Variants in CTNNA3 observed in about 807,000 individuals in gnomAD.
CTNNA3 encodes catenin alpha 3.
In CTNNA3, 76 loss-of-function variants were observed where a neutral mutation model predicts 95.7. The ratio of observed to expected loss-of-function variants is 0.79; its 90% CI spans 0.66 to 0.96. CTNNA3 has a LOEUF of 0.96. Among genes scored for constraint, CTNNA3 ranks in the 40% least tolerant of loss-of-function variants. The probability of loss-of-function intolerance (pLI) is 0.00; values close to 1 mark genes in which losing one functional copy is unlikely to be tolerated. For missense variants in CTNNA3, 1,191 were observed against 1,089.8 expected, an observed-to-expected ratio of 1.09 and a Z score of -1.31; for synonymous variants, 431 against 374.4, an observed-to-expected ratio of 1.15 and a Z score of -1.74.
intron 11 of CTNNA3, among the ~76,000 whole-genome samples, chr10:66,493,472 C>A (rs1309185168): frequency 6.6e-6 from 1 of 152,014 alleles, no homozygotes; most frequent in Non-Finnish European, 1.5e-5. Flanking sequence ...GTTAAGAAAG[C>A]GGTAATTTAA....
chr10:66,450,508 G>A lies in CTNNA3; in HGVS notation c.1531+70109C>T, dbSNP rs145555217. Among the ~76,000 whole-genome samples, 237 of 152,048 alleles carry A rather than the reference G, an allele frequency of 1.6e-3. 1 individual carries two copies. The highest frequency in any genetic ancestry group is 5.5e-3 in the African/African-American group (228 of 41,530). The stretch of plus-strand genomic sequence containing the variant: ...ACATTTCAGCTTTTTCAGAAATAAC[G>A]TTGTATTCATTTCACAGTGAATAAG... On this transcript the variant is annotated intron_variant, in intron 11 of 17. Coordinates refer to ENST00000433211, the MANE Select transcript of CTNNA3 (RefSeq NM_013266.4).
intron 13 of CTNNA3, among the ~76,000 whole-genome samples, chr10:66,143,995 G>A (rs1007980594): frequency 1.3e-5 from 2 of 152,172 alleles, no homozygotes; most frequent in African/African-American, 4.8e-5. Context: ...TGATTGTACT[G>A]TTTTCCCCCA....
chr10:66,112,405 T>G (rs1310345112), intron 13 of CTNNA3, among the ~76,000 whole-genome samples: 2 of 152,196 alleles, frequency 1.3e-5, no homozygotes, highest in Non-Finnish European at 2.9e-5. Context: ...AATTCAAAAC[T>G]GCCTCCAGGA....
chr10:67,540,496 C>T (rs1486431817), intron 3 of CTNNA3, among the ~76,000 whole-genome samples: 2 of 151,920 alleles, frequency 1.3e-5, no homozygotes, highest in East Asian at 3.9e-4. Flanking sequence ...AAACTAATCC[C>T]CCAAAGCACC....
chr10:66,820,516 A>C (rs1442601909), intron 7 of CTNNA3, among the ~76,000 whole-genome samples: 8 of 152,118 alleles, frequency 5.3e-5, no homozygotes, highest in African/African-American at 1.9e-4. Context: ...AATGACAAGC[A>C]TGTACACATA....
intron 1 of CTNNA3, among the ~76,000 whole-genome samples, chr10:67,735,146 A>C (rs3132086): frequency 0.16 from 14,126 of 85,740 alleles, 817 homozygotes; most frequent in African/African-American, 0.24. Context: ...CACACACACA[A>C]ACACACACAC....
At chr10:67,203,272 T>C (rs932686313) in intron 6 of CTNNA3, among the ~76,000 whole-genome samples, 2 of 152,152 alleles carry the variant, frequency 1.3e-5, no homozygotes, top group Non-Finnish European at 2.9e-5. Flanking sequence ...TCTCACGAGA[T>C]CTGATGGTTT....
intron 11 of CTNNA3, among the ~76,000 whole-genome samples, chr10:66,497,763 C>T (rs183411749): frequency 5.3e-4 from 80 of 152,068 alleles, no homozygotes; most frequent in Admixed American, 5.2e-3. Context: ...ACACCACAGG[C>T]CAATAACCAG....
chr10:66,694,822 G>A (rs1162454902), intron 9 of CTNNA3, among the ~76,000 whole-genome samples: 1 of 152,052 alleles, frequency 6.6e-6, no homozygotes, highest in Non-Finnish European at 1.5e-5. Context: ...TTTTATTACT[G>A]TTATTACTTA....
intron 9 of CTNNA3, among the ~76,000 whole-genome samples, chr10:66,647,250 C>T (rs968906644): frequency 2.0e-5 from 3 of 152,112 alleles, no homozygotes; most frequent in Non-Finnish European, 4.4e-5. Context: ...TTCATCTAAT[C>T]ATTCCATCAT....
In CTNNA3 at chr10:66,508,210, G is replaced by GTTTTT. The variant is rs756807793; in HGVS notation, c.1531+12402_1531+12406dup. Among the ~76,000 whole-genome samples, 2 of 108,424 alleles carry GTTTTT rather than the reference G, an allele frequency of 1.8e-5. 1 individual carries two copies. Among genetic ancestry groups the GTTTTT allele is most frequent in the African/African-American group, 7.1e-5 (2 of 28,274 alleles). The allele number at this position is 108,424 out of a possible 152,430, so 71.1% of individuals were successfully genotyped here. A position where few individuals can be genotyped will look rare whatever the true frequency, so the allele number is the denominator to read the frequency against. On this transcript the variant is annotated intron_variant, in intron 11 of 17. Coordinates refer to ENST00000433211, the MANE Select transcript of CTNNA3 (RefSeq NM_013266.4). The stretch of plus-strand genomic sequence containing the variant: ...TTTTTTTTGTTTTGTTTTGTTTTCT[G>GTTTTT]TTTTTTTTTTTTTTAACAATTTCGT...
At chr10:66,550,827 T>C (rs728235) in intron 10 of CTNNA3, among the ~76,000 whole-genome samples, 112,169 of 151,416 alleles carry the variant, frequency 0.74, 42,450 homozygotes, top group Non-Finnish European at 0.81. Context: ...TTTTTTTCAG[T>C]TTGTTCTAGA....
intron 5 of CTNNA3, among the ~76,000 whole-genome samples, chr10:67,387,726 C>T (rs536272847): frequency 6.6e-6 from 1 of 152,364 alleles, no homozygotes; most frequent in East Asian, 1.9e-4. Context: ...AACCAGCAGA[C>T]TGCCTCCTCA....
chr10:67,563,411 A>T (rs976238798), intron 3 of CTNNA3, among the ~76,000 whole-genome samples: 1 of 152,236 alleles, frequency 6.6e-6, no homozygotes, highest in African/African-American at 2.4e-5. Flanking sequence ...CTATTTAATA[A>T]ATGGTGCTGG....
chr10:67,126,546 A>G (rs1859731374), intron 7 of CTNNA3, among the ~76,000 whole-genome samples: 1 of 152,228 alleles, frequency 6.6e-6, no homozygotes, highest in African/African-American at 2.4e-5. Flanking sequence ...GCGACAGAGC[A>G]AGACTCTGTC....
At chr10:67,485,912 T>C (rs1001188494) in intron 5 of CTNNA3, among the ~76,000 whole-genome samples, 1 of 152,224 alleles carries the variant, frequency 6.6e-6, no homozygotes, top group African/African-American at 2.4e-5. Context: ...TTGTTGGTTT[T>C]CTTTTGTTTC....
At chr10:66,351,216 G>A (rs183046516) in intron 12 of CTNNA3, among the ~76,000 whole-genome samples, 2 of 151,964 alleles carry the variant, frequency 1.3e-5, no homozygotes, top group South Asian at 2.1e-4. Context: ...TGACCACTCC[G>A]GTGTCAATTA....
intron 13 of CTNNA3, among the ~76,000 whole-genome samples, chr10:66,182,915 A>G (rs2086131194): frequency 6.6e-6 from 1 of 152,212 alleles, no homozygotes; most frequent in African/African-American, 2.4e-5. Context: ...GTAACATTAA[A>G]TGTGCGTTTT....
At chr10:67,699,941 G>A (rs192502037), upstream of CTNNA3, among the ~76,000 whole-genome samples, 398 of 152,344 alleles carry the variant, frequency 2.6e-3, 1 homozygote, top group African/African-American at 9.2e-3. Flanking sequence ...TTTTCCGATG[G>A]GCTTAAAAGA....
Sources: gnomAD v4.1 joint callset for allele counts (sites outside exome capture counted in the v4.1 genomes callset) on GRCh38, gnomAD v4.1.1 for gene constraint, MANE v1.5 for transcripts, NCBI Gene and HGNC (gene_info 2026-07-23, HGNC 2026-07-21) for gene names.